PRKAR2A: variants seen among roughly 807,000 people sequenced by gnomAD.
PRKAR2A encodes the protein cAMP-dependent protein kinase type II-alpha regulatory subunit.
In PRKAR2A, 29 loss-of-function variants were observed where a neutral mutation model predicts 51.9. The observed-to-expected ratio is 0.56, with a 90% CI of 0.42 to 0.76. The LOEUF is 0.76. Ranked by LOEUF, PRKAR2A falls within the 30% of genes least tolerant of loss-of-function variation. The pLI, the probability that PRKAR2A is intolerant of heterozygous loss-of-function variation, is 0.00. For synonymous variants in PRKAR2A, 178 were observed against 186.2 expected (o/e 0.96, Z 0.36); for missense variants, 445 against 512.1 (o/e 0.87, Z 1.26).
At chr3:48,831,298 C>G (rs1559647925) in intron 1 of PRKAR2A, among the ~76,000 whole-genome samples, 2 of 151,742 alleles carry the variant, frequency 1.3e-5, no homozygotes, top group Non-Finnish European at 2.9e-5. Flanking sequence ...CATCATTATG[C>G]AGTGCAAGAC....
At chr3:48,771,474 C>T (rs548791186) in intron 6 of PRKAR2A, among the ~76,000 whole-genome samples, 65 of 152,174 alleles carry the variant, frequency 4.3e-4, no homozygotes, top group African/African-American at 1.4e-3. Flanking sequence ...ACACCAAAAA[C>T]AATGTTATTT....
chr3:48,831,510 G>A (rs781698921), intron 1 of PRKAR2A, among the ~76,000 whole-genome samples: 26 of 152,042 alleles, frequency 1.7e-4, no homozygotes, highest in Non-Finnish European at 3.2e-4. Flanking sequence ...ACAACTATAG[G>A]CGTGCATCAC....
At chr3:48,756,932 C>A (rs1231159708) in intron 8 of PRKAR2A, among the ~76,000 whole-genome samples, 1 of 152,154 alleles carries the variant, frequency 6.6e-6, no homozygotes, top group Non-Finnish European at 1.5e-5. Flanking sequence ...TTAATCTAGT[C>A]CCAGGACGTA....
intron 8 of PRKAR2A, among the ~76,000 whole-genome samples, chr3:48,757,459 T>A (rs1295050090): frequency 1.3e-5 from 2 of 152,240 alleles, no homozygotes; most frequent in Non-Finnish European, 2.9e-5. Flanking sequence ...TCTGTCCTTG[T>A]AGGTTTTGGC....
chr3:48,831,365 C>CTTT lies in PRKAR2A; in HGVS notation c.262+15967_262+15969dup, dbSNP rs539375236. Among the ~76,000 whole-genome samples the CTTT allele has an allele frequency of 6.0e-3, 764 of 126,314 alleles. 12 individuals carry two copies. The highest frequency in any genetic ancestry group is 0.015 in the African/African-American group (496 of 33,290). The allele number at this position is 126,314 out of a possible 152,430, so 82.9% of individuals were successfully genotyped here. ...CTAGCCACTGGTTTATCCAAAATATCTTTTTTTTTTTTTTTTTTTTAGAGA... is the reference window on the plus strand; with the variant it reads ...CTAGCCACTGGTTTATCCAAAATATCTTTTTTTTTTTTTTTTTTTTTTTAGAGA... On this transcript the variant is annotated intron_variant, in intron 1 of 10. Coordinates refer to ENST00000265563, the MANE Select transcript of PRKAR2A (RefSeq NM_004157.4).
rs370460045 is a variant in PRKAR2A at position 48,766,230 on chromosome 3, T to TCAACAA, written c.697-887_697-882dup. Among the ~76,000 whole-genome samples, 370 of 147,950 alleles carry TCAACAA rather than the reference T, an allele frequency of 2.5e-3. 2 individuals carry two copies. The highest frequency in any genetic ancestry group is 8.3e-3 in the African/African-American group (332 of 40,010). ...ACACTATGTCCCAAAAACAACAATA[T>TCAACAA]CAACAACAACAACAACAACAACAAA... On this transcript the variant is annotated intron_variant, in intron 6 of 10. Transcript: ENST00000265563.
rs1240272216 is a variant in PRKAR2A, at chr3:48,842,630, T to C, written c.262+4705A>G. On this transcript the variant is annotated intron_variant, in intron 1 of 10. Transcript: ENST00000265563. ...TGAGCGTTTTTAGAATGAAGGGTTG[T>C]TGAATTTTGTCAAAGGCCTTTTCTG... is the stretch of plus-strand genomic sequence containing the variant. 2.0e-5 allele frequency among the ~76,000 whole-genome samples: 3 copies of C among 152,202 alleles called. No homozygotes were observed. In the East Asian group the frequency reaches 5.8e-4, roughly 29 times the overall value.
At chr3:48,746,130 T>C (rs1463566065), downstream of PRKAR2A, among the ~76,000 whole-genome samples, 2 of 152,182 alleles carry the variant, frequency 1.3e-5, no homozygotes, top group African/African-American at 2.4e-5. Context: ...AACTAAACCA[T>C]TGGCTCTCCT....
intron 1 of PRKAR2A, among the ~76,000 whole-genome samples, chr3:48,829,642 ATG>A (rs72059612): frequency 0.054 from 3,756 of 69,124 alleles, 263 homozygotes; most frequent in East Asian, 0.22. Flanking sequence ...ACACACATAA[ATG>A]TGTGTGTGTA....
chr3:48,782,182 T>C (rs2082208077), intron 5 of PRKAR2A, among the ~76,000 whole-genome samples: 1 of 152,148 alleles, frequency 6.6e-6, no homozygotes. Flanking sequence ...CAGAGGATAC[T>C]AAACTCAAGA....
chr3:48,748,589 ACT>A lies in PRKAR2A; in HGVS notation c.*2994_*2995del. The A allele has an allele frequency of 6.6e-6, 1 of 152,248 alleles. No homozygotes were observed. Among genetic ancestry groups the A allele is most frequent in the Non-Finnish European group, 1.5e-5 (1 of 68,040 alleles). 9.4% of individuals were successfully genotyped at this position (152,248 alleles called of 1,614,324 possible). On this transcript the variant is annotated 3_prime_UTR_variant, in exon 11 of 11. Coordinates refer to ENST00000265563, the MANE Select transcript of PRKAR2A (RefSeq NM_004157.4). ...CCATCCCTAGCAGACTGCAGGAGTGACTCTGGCATAGAATTCATGGCCAGCCC... is the reference window on the plus strand; with the variant it reads ...CCATCCCTAGCAGACTGCAGGAGTGACTGGCATAGAATTCATGGCCAGCCC...
Position 48,847,592 on chromosome 3 carries a change from C to T in PRKAR2A, c.5G>A (p.Ser2Asn). 1 of 1,495,222 alleles carries T rather than the reference C, an allele frequency of 6.7e-7. No individual in the cohort carries two copies. The highest frequency in any genetic ancestry group is 8.9e-7 in the Non-Finnish European group (1 of 1,129,176). The allele number at this position is 1,495,222 out of a possible 1,614,324, so 92.6% of individuals were successfully genotyped here. Residue 2 changes from serine (S) to asparagine (N), a missense_variant, in exon 1 of 11, where the codon AGC (serine) becomes AAC (asparagine). Transcript: ENST00000265563. This position sits in a 1 kb window ranked among gnomAD's most constrained non-coding sequence, Gnocchi z 4.4. M[S>N]HIQIPPGLTE... ...GAGCCCCGGCGGGATCTGGATGTGGCTCATGCCGGCGGCGGCCGAAGGGAT... is the reference window on the plus strand; with the variant it reads ...GAGCCCCGGCGGGATCTGGATGTGGTTCATGCCGGCGGCGGCCGAAGGGAT...
At chr3:48,810,952 G>A (rs545599144) in intron 1 of PRKAR2A, among the ~76,000 whole-genome samples, 1 of 151,876 alleles carries the variant, frequency 6.6e-6, no homozygotes, top group South Asian at 2.1e-4. Context: ...CAAGGCAGGA[G>A]GATCATTTGA....
intron 1 of PRKAR2A, among the ~76,000 whole-genome samples, chr3:48,838,135 G>A (rs955131514): frequency 2.6e-5 from 4 of 151,748 alleles, no homozygotes; most frequent in Non-Finnish European, 5.9e-5. Flanking sequence ...CTGAGATCAC[G>A]CCACTGCACT....
At chr3:48,791,285 T>TAAAAA (rs35380085) in intron 3 of PRKAR2A, among the ~76,000 whole-genome samples, 1 of 43,748 alleles carries the variant, frequency 2.3e-5, no homozygotes, top group Non-Finnish European at 4.3e-5. Flanking sequence ...GATTCCATCT[T>TAAAAA]AAAAAAAAAA....
intron 1 of PRKAR2A, among the ~76,000 whole-genome samples, chr3:48,812,300 G>A (rs538251987): frequency 4.3e-4 from 66 of 152,146 alleles, no homozygotes; most frequent in African/African-American, 1.5e-3. Flanking sequence ...TGAGATTAGG[G>A]AGGGAGCAAA....
intron 5 of PRKAR2A, among the ~76,000 whole-genome samples, chr3:48,775,049 T>G (rs2082084596): frequency 6.6e-6 from 1 of 152,208 alleles, no homozygotes. Context: ...ACTGAGCATT[T>G]TCATCACAAA....
In PRKAR2A at chr3:48,752,916, C is replaced by CTTTTTTTTT. The variant is rs59163654; in HGVS notation, c.940-608_940-600dup. Among the ~76,000 whole-genome samples, 11 of 47,544 alleles carry CTTTTTTTTT rather than the reference C, an allele frequency of 2.3e-4. 1 individual carries two copies. Among genetic ancestry groups the CTTTTTTTTT allele is most frequent in the Admixed American group, 3.8e-4 (1 of 2,660 alleles). The allele number at this position is 47,544 out of a possible 152,430, so 31.2% of individuals were successfully genotyped here. On this transcript the variant is annotated intron_variant, in intron 9 of 10. Transcript: ENST00000265563. ...ACCTTAAGTTAGTGGTTCCCTCCTC[C>CTTTTTTTTT]TTTTTTTTTTTTTTTTTTTTTTTTT...
intron 1 of PRKAR2A, among the ~76,000 whole-genome samples, chr3:48,818,912 T>C (rs2082915474): frequency 6.6e-6 from 1 of 152,180 alleles, no homozygotes. Context: ...GGAGGGTTTG[T>C]TTGCTGGTTT....
Sources: gnomAD v4.1 joint callset for allele counts (sites outside exome capture counted in the v4.1 genomes callset) on GRCh38, gnomAD v4.1.1 for gene constraint, Gnocchi (gnomAD v3.1) non-coding constraint, MANE v1.5 for transcripts, NCBI Gene and HGNC (gene_info 2026-07-23, HGNC 2026-07-21) for gene names.